Variants in PTGFR observed in about 807,000 individuals in gnomAD.
PTGFR encodes prostaglandin F receptor.
PTGFR carries 15 observed loss-of-function variants against 26.2 expected under a neutral mutation model. The observed-to-expected ratio is 0.57, with a 90% CI of 0.38 to 0.88. PTGFR has a LOEUF of 0.88. PTGFR is among the 40% of genes least tolerant of loss of function. The pLI, the probability that PTGFR is intolerant of heterozygous loss-of-function variation, is 0.00. For missense variants in PTGFR, 369 were observed against 427.2 expected (o/e 0.86, Z 1.20); for synonymous variants, 165 against 151.1 (o/e 1.09, Z -0.68).
rs17101812 is a variant in PTGFR at position 78,520,246 on chromosome 1, G to A, written c.799-16160G>A. Among the ~76,000 whole-genome samples, 996 of 152,044 alleles carry A rather than the reference G, an allele frequency of 6.6e-3. 8 individuals are homozygous for A. Among genetic ancestry groups the A allele is most frequent in the African/African-American group, 0.023 (946 of 41,480 alleles). On this transcript the variant is annotated intron_variant, in intron 2 of 2. Transcript: ENST00000370757. ...ATCTTCTTTATGAAACAATTTACTC[G>A]AATACAAATATATACTTGTTGATCA... is the stretch of plus-strand genomic sequence containing the variant.
In PTGFR at chr1:78,538,538, A is replaced by AAG. The variant is rs72115995; in HGVS notation, c.*1852_*1853insGA. The AAG allele has an allele frequency of 8.6e-4, 131 of 152,126 alleles. No homozygotes were observed. The highest frequency in any genetic ancestry group is 3.0e-3 in the African/African-American group (125 of 41,522). 9.4% of individuals were successfully genotyped at this position (152,126 alleles called of 1,614,324 possible). ...AGAAGTAGACATCAAAAATTAAAAA[A>AAG]AAAAAAAGGAATGTGTTTTCATTGT... is the stretch of plus-strand genomic sequence containing the variant. On this transcript the variant is annotated 3_prime_UTR_variant, in exon 3 of 3. Coordinates refer to ENST00000370757, the MANE Select transcript of PTGFR (RefSeq NM_000959.4).
At chr1:78,516,154 AC>A in intron 2 of PTGFR, among the ~76,000 whole-genome samples, 1 of 152,192 alleles carries the variant, frequency 6.6e-6, no homozygotes. Flanking sequence ...TATATGCCAG[AC>A]AAGATTCTAA....
At chr1:78,525,490 T>C (rs1301146820) in intron 2 of PTGFR, among the ~76,000 whole-genome samples, 1 of 152,094 alleles carries the variant, frequency 6.6e-6, no homozygotes, top group Non-Finnish European at 1.5e-5. Context: ...TTCCATGTCC[T>C]TAGGATGTTT....
chr1:78,529,551 C>T (rs1053233291), intron 2 of PTGFR, among the ~76,000 whole-genome samples: 9 of 152,076 alleles, frequency 5.9e-5, no homozygotes, highest in Admixed American at 5.9e-4. Flanking sequence ...GGCATATATA[C>T]AAATATAAGA....
intron 2 of PTGFR, among the ~76,000 whole-genome samples, chr1:78,524,776 T>TA (rs1650327993): frequency 6.6e-6 from 1 of 152,016 alleles, no homozygotes; most frequent in Non-Finnish European, 1.5e-5. Flanking sequence ...CAAATTAGAC[T>TA]ACACAATTTT....
chr1:78,531,005 C>T (rs1305105031), intron 2 of PTGFR, among the ~76,000 whole-genome samples: 2 of 152,054 alleles, frequency 1.3e-5, no homozygotes, highest in Non-Finnish European at 2.9e-5. Context: ...TTTTTCCTTC[C>T]CTTTCCTCCT....
chr1:78,500,505 G>T (rs1293276029), intron 2 of PTGFR, among the ~76,000 whole-genome samples: 3 of 152,176 alleles, frequency 2.0e-5, no homozygotes, highest in African/African-American at 7.2e-5. Flanking sequence ...CCTTTGCCTT[G>T]TTGGGATATT....
chr1:78,536,205 T>C (rs759062060), intron 2 of PTGFR, among the ~76,000 whole-genome samples: 6 of 152,162 alleles, frequency 3.9e-5, no homozygotes, highest in Non-Finnish European at 7.3e-5. Context: ...TTTTTGTAGG[T>C]CTAATGTCAA....
rs148033439 is a variant in PTGFR at position 78,524,799 on chromosome 1, A to C, written c.799-11607A>C. On this transcript the variant is annotated intron_variant, in intron 2 of 2. Coordinates refer to ENST00000370757, the MANE Select transcript of PTGFR (RefSeq NM_000959.4). ...ACTACACAATTTTTAAATTCTTTCC[A>C]GTTCTAACCTTCTGTATCTTTCTAT... Among the ~76,000 whole-genome samples the C allele has an allele frequency of 4.6e-5, 7 of 151,744 alleles. No individual in the cohort carries two copies. In the East Asian group the frequency reaches 1.4e-3, roughly 30 times the overall value.
chr1:78,511,462 A>AGCCATGG (rs1411182220), intron 2 of PTGFR, among the ~76,000 whole-genome samples: 5 of 152,108 alleles, frequency 3.3e-5, no homozygotes, highest in Non-Finnish European at 7.4e-5. Context: ...AGGCCCTTTG[A>AGCCATGG]GCCATGGCTG....
chr1:78,524,236 A>AC (rs1650315170), intron 2 of PTGFR, among the ~76,000 whole-genome samples: 1 of 151,996 alleles, frequency 6.6e-6, no homozygotes, highest in South Asian at 2.1e-4. Flanking sequence ...ATACTCAACA[A>AC]CTGCACACAC....
intron 2 of PTGFR, among the ~76,000 whole-genome samples, chr1:78,506,626 T>G (rs1251401326): frequency 6.6e-6 from 1 of 152,092 alleles, no homozygotes; most frequent in Non-Finnish European, 1.5e-5. Context: ...AAATTCTCAG[T>G]AAAAATTTGC....
chr1:78,492,687 T>C lies in PTGFR; in HGVS notation c.-57T>C. On this transcript the variant is annotated 5_prime_UTR_variant, in exon 2 of 3. Coordinates refer to ENST00000370757, the MANE Select transcript of PTGFR (RefSeq NM_000959.4). Reference sequence around the variant, plus strand: ...TATCCTACAGATGTCTGGACTGCAATCCTGCACAGTTTTGAGAGGGAGATG... The same window carrying C: ...TATCCTACAGATGTCTGGACTGCAACCCTGCACAGTTTTGAGAGGGAGATG... The C allele has an allele frequency of 6.0e-6, 9 of 1,504,626 alleles. No homozygotes were observed. The highest frequency in any genetic ancestry group is 8.1e-6 in the Non-Finnish European group (9 of 1,106,034). 93.2% of individuals were successfully genotyped at this position (1,504,626 alleles called of 1,614,324 possible). A position where few individuals can be genotyped will look rare whatever the true frequency, so the allele number is the denominator to read the frequency against.
chr1:78,507,940 C>T (rs1216039877), intron 2 of PTGFR, among the ~76,000 whole-genome samples: 5 of 152,096 alleles, frequency 3.3e-5, no homozygotes, highest in Non-Finnish European at 5.9e-5. Context: ...TGACTTTATT[C>T]TATTTTGTTT....
chr1:78,500,518 C>T lies in PTGFR; in HGVS notation c.798+6977C>T, dbSNP rs145557482. ...TTCCTTTGCCTTGTTGGGATATTTC[C>T]GAAGGTCCATTCATGCTTCAGGGCT... On this transcript the variant is annotated intron_variant, in intron 2 of 2. Transcript: ENST00000370757. Among the ~76,000 whole-genome samples the T allele has an allele frequency of 2.1e-3, 321 of 152,252 alleles. 1 individual carries two copies. Among genetic ancestry groups the T allele is most frequent in the African/African-American group, 5.6e-3 (232 of 41,526 alleles).
intron 2 of PTGFR, among the ~76,000 whole-genome samples, chr1:78,507,089 G>C (rs1270525433): frequency 6.6e-6 from 1 of 152,162 alleles, no homozygotes; most frequent in Admixed American, 6.5e-5. Flanking sequence ...GATTTGGTCA[G>C]AATTTATATA....
At chr1:78,503,920 C>T (rs1308511509) in intron 2 of PTGFR, among the ~76,000 whole-genome samples, 4 of 152,004 alleles carry the variant, frequency 2.6e-5, no homozygotes, top group South Asian at 2.1e-4. Context: ...CATTTATGAC[C>T]GTGGCTGTGG....
rs1416973159 is a variant in PTGFR, at chr1:78,536,569, A to G, written c.962A>G (p.Gln321Arg). ...VLKNLYKLAS[Q>R]CCGVHVISLH... ...AAGAATCTCTATAAGCTTGCCAGTC[A>G]ATGCTGTGGAGTGCATGTCATCAGC... The change falls in exon 3 of 3, where the codon CAA (glutamine) becomes CGA (arginine). Residue 321 changes from glutamine to arginine, a missense_variant. Transcript: ENST00000370757. 6.2e-7 allele frequency: 1 copy of G among 1,613,430 alleles called. No homozygotes were observed. The highest frequency in any genetic ancestry group is 8.5e-7 in the Non-Finnish European group (1 of 1,179,538).
Position 78,504,406 on chromosome 1 carries a change from G to A in PTGFR, c.798+10865G>A, listed in dbSNP as rs148798012. ...GTTGGGCATTATCCCTTTTGTGAATGTACAGGTATTTGTATTTTTCTAAAT... is the reference window on the plus strand; with the variant it reads ...GTTGGGCATTATCCCTTTTGTGAATATACAGGTATTTGTATTTTTCTAAAT... On this transcript the variant is annotated intron_variant, in intron 2 of 2. Coordinates refer to ENST00000370757, the MANE Select transcript of PTGFR (RefSeq NM_000959.4). Among the ~76,000 whole-genome samples the A allele has an allele frequency of 5.3e-3, 813 of 152,196 alleles. 5 individuals carry two copies. Among genetic ancestry groups the A allele is most frequent in the African/African-American group, 0.019 (783 of 41,546 alleles).
Sources: allele counts gnomAD v4.1 joint callset (sites outside exome capture counted in the v4.1 genomes callset), GRCh38; gene constraint gnomAD v4.1.1; transcripts MANE v1.5; gene names NCBI Gene and HGNC (gene_info 2026-07-23, HGNC 2026-07-21).